PITPNB: variants seen among roughly 807,000 people sequenced by gnomAD.
The protein encoded by PITPNB is phosphatidylinositol transfer protein beta isoform.
In PITPNB, 16 loss-of-function variants were observed where a neutral mutation model predicts 45.9. That is an observed-to-expected ratio of 0.35 (90% confidence interval 0.24 to 0.53). PITPNB has a LOEUF of 0.53. Among genes scored for constraint, PITPNB ranks in the 20% least tolerant of loss-of-function variants. The pLI is 0.93. For missense variants in PITPNB, 188 were observed against 330.5 expected (o/e 0.57, Z 3.34); for synonymous variants, 112 against 108.9 (o/e 1.03, Z -0.18).
At chr22:27,891,636 GGTGA>G (rs764111590) in intron 7 of PITPNB, among the ~76,000 whole-genome samples, 25 of 152,196 alleles carry the variant, frequency 1.6e-4, no homozygotes, top group East Asian at 3.9e-4. Context: ...TTCTGGTGAC[GGTGA>G]GTGAGTTCTC....
At chr22:27,907,761 G>GTCCC (rs1935806478) in intron 3 of PITPNB, among the ~76,000 whole-genome samples, 1 of 152,156 alleles carries the variant, frequency 6.6e-6, no homozygotes, top group Non-Finnish European at 1.5e-5. Flanking sequence ...TGTGGGATTT[G>GTCCC]AAATCAGAGC....
intron 11 of PITPNB, 98 bp downstream of exon 11, chr22:27,854,756 C>A: frequency 1.7e-6 from 1 of 580,632 alleles, no homozygotes; most frequent in African/African-American, 1.9e-5. Flanking sequence ...AAAAATAAAA[C>A]CACATTTAAC....
intron 1 of PITPNB, among the ~76,000 whole-genome samples, chr22:27,917,162 C>T (rs1936105247): frequency 6.6e-6 from 1 of 152,222 alleles, no homozygotes; most frequent in South Asian, 2.1e-4. Flanking sequence ...TGTCAACATT[C>T]ATTATCTGGG....
chr22:27,873,360 T>C (rs964914034), intron 8 of PITPNB, among the ~76,000 whole-genome samples: 1 of 152,188 alleles, frequency 6.6e-6, no homozygotes, highest in African/African-American at 2.4e-5. Context: ...TCCAGGAATA[T>C]GAGCTTGGGT....
chr22:27,896,108 C>T (rs758340085), intron 6 of PITPNB, among the ~76,000 whole-genome samples: 4 of 152,206 alleles, frequency 2.6e-5, no homozygotes, highest in Non-Finnish European at 5.9e-5. Flanking sequence ...TATTCAAGTA[C>T]TTTATCCCTC....
intron 3 of PITPNB, among the ~76,000 whole-genome samples, chr22:27,907,342 T>A (rs1482211887): frequency 6.6e-6 from 1 of 152,184 alleles, no homozygotes; most frequent in South Asian, 2.1e-4. Flanking sequence ...TACTAAATGA[T>A]TCTTTGCCCT....
At chr22:27,854,977 ACT>A (rs1244885028) in intron 10 of PITPNB, 38 bp from the exon 11 acceptor site, 12 of 1,443,408 alleles carry the variant, frequency 8.3e-6, no homozygotes, top group Non-Finnish European at 1.1e-5. Context: ...CTGAAATCAG[ACT>A]CTAAATAGGG....
intron 7 of PITPNB, among the ~76,000 whole-genome samples, chr22:27,881,839 G>A (rs1485246916): frequency 6.6e-6 from 1 of 152,136 alleles, no homozygotes; most frequent in Non-Finnish European, 1.5e-5. Flanking sequence ...ATAAGAAAAC[G>A]TCATTTCTGT....
chr22:27,873,300 C>T (rs906856209), intron 8 of PITPNB, among the ~76,000 whole-genome samples: 1 of 152,114 alleles, frequency 6.6e-6, no homozygotes, highest in Admixed American at 6.6e-5. Flanking sequence ...CTGCTTGCCA[C>T]AAAAATTGCT....
chr22:27,865,493 T>C (rs1209508123), intron 8 of PITPNB, among the ~76,000 whole-genome samples: 1 of 152,208 alleles, frequency 6.6e-6, no homozygotes, highest in Non-Finnish European at 1.5e-5. Context: ...TCTTCTAGGT[T>C]ATCAGCAACA....
intron 8 of PITPNB, among the ~76,000 whole-genome samples, chr22:27,872,084 T>A (rs1300838859): frequency 2.0e-5 from 1 of 49,358 alleles, no homozygotes; most frequent in Non-Finnish European, 3.5e-5. Flanking sequence ...AAGCCTGGTT[T>A]TTTTTTTTTT....
chr22:27,914,816 C>G lies in PITPNB; in HGVS notation c.21-469G>C, dbSNP rs527738883. Among the ~76,000 whole-genome samples, 30 of 152,264 alleles carry G rather than the reference C, an allele frequency of 2.0e-4. 1 individual carries two copies. The South Asian group carries it at 6.2e-3, about 32-fold the overall frequency. On this transcript the variant is annotated intron_variant, in intron 1 of 11. Transcript: ENST00000335272. ...TAAACGCTTCCAGAAACTGTTCCCCCACTATTCAATTATTCCTCAAGTTTA... is the reference window on the plus strand; with the variant it reads ...TAAACGCTTCCAGAAACTGTTCCCCGACTATTCAATTATTCCTCAAGTTTA...
At chr22:27,876,540 G>A (rs1013619841) in intron 7 of PITPNB, among the ~76,000 whole-genome samples, 1 of 152,308 alleles carries the variant, frequency 6.6e-6, no homozygotes, top group South Asian at 2.1e-4. Flanking sequence ...ATACGTAAAT[G>A]TTTAATCAGC....
At chr22:27,887,655 T>G (rs1935161262) in intron 7 of PITPNB, among the ~76,000 whole-genome samples, 1 of 151,674 alleles carries the variant, frequency 6.6e-6, no homozygotes, top group Non-Finnish European at 1.5e-5. Flanking sequence ...TCATAGTTAC[T>G]AAGCTCTCGA....
At chr22:27,877,939 A>C (rs1934867011) in intron 7 of PITPNB, among the ~76,000 whole-genome samples, 1 of 152,180 alleles carries the variant, frequency 6.6e-6, no homozygotes, top group Non-Finnish European at 1.5e-5. Flanking sequence ...CCTGCTTATA[A>C]AAGATCAACC....
At chr22:27,895,533 T>G (rs971865780) in intron 6 of PITPNB, among the ~76,000 whole-genome samples, 6 of 151,346 alleles carry the variant, frequency 4.0e-5, no homozygotes, top group Non-Finnish European at 7.4e-5. Context: ...GAGGTTGCAC[T>G]GAGCAGACAG....
intron 7 of PITPNB, among the ~76,000 whole-genome samples, chr22:27,889,739 G>C (rs545244922): frequency 1.3e-5 from 2 of 152,142 alleles, no homozygotes; most frequent in Non-Finnish European, 2.9e-5. Flanking sequence ...ACAAATCCTC[G>C]ACAGCTACCA....
intron 8 of PITPNB, among the ~76,000 whole-genome samples, chr22:27,864,385 C>T (rs1934421060): frequency 6.6e-6 from 1 of 152,196 alleles, no homozygotes; most frequent in Non-Finnish European, 1.5e-5. Flanking sequence ...TTGGTATCTT[C>T]TCTCTGGAGT....
At chr22:27,907,247 A>G (rs1935789582) in intron 3 of PITPNB, among the ~76,000 whole-genome samples, 1 of 152,166 alleles carries the variant, frequency 6.6e-6, no homozygotes, top group African/African-American at 2.4e-5. Flanking sequence ...CCTAAAGAAA[A>G]CTGTGAGTCT....
Sources: gnomAD v4.1 joint callset for allele counts (sites outside exome capture counted in the v4.1 genomes callset) on GRCh38, gnomAD v4.1.1 for gene constraint, MANE v1.5 for transcripts, NCBI Gene and HGNC (gene_info 2026-07-23, HGNC 2026-07-21) for gene names.